Variants in EZR observed in about 807,000 individuals in gnomAD.
The protein encoded by EZR is cytovillin 2.
A neutral mutation model predicts 74.8 loss-of-function variants in EZR; 40 were observed. That is an observed-to-expected ratio of 0.53 (90% confidence interval 0.42 to 0.70). EZR has a LOEUF of 0.70. Among genes scored for constraint, EZR ranks in the 30% least tolerant of loss-of-function variants. The pLI, the probability that EZR is intolerant of heterozygous loss-of-function variation, is 0.00. For synonymous variants in EZR, 341 were observed against 283.3 expected (o/e 1.20, Z -2.05); for missense variants, 678 against 755.8 (o/e 0.90, Z 1.21).
intron 6 of EZR, among the ~76,000 whole-genome samples, chr6:158,784,381 G>A (rs1791510713): frequency 6.6e-6 from 1 of 152,194 alleles, no homozygotes; most frequent in Admixed American, 6.5e-5. Context: ...ATGAAGTTTA[G>A]ACACAACACT....
At chr6:158,817,676 G>C (rs1233354643) in intron 2 of EZR, among the ~76,000 whole-genome samples, 1 of 152,268 alleles carries the variant, frequency 6.6e-6, no homozygotes, top group Admixed American at 6.5e-5. Context: ...CTGTGGTTTC[G>C]GACCCTTAGG....
intron 9 of EZR, 115 bp from the exon 10 acceptor site, chr6:158,771,009 C>A: frequency 6.6e-7 from 1 of 1,507,440 alleles, no homozygotes. Flanking sequence ...CTGAGGGCCA[C>A]CCTAGCCTGC....
chr6:158,776,512 T>TA lies in EZR; in HGVS notation c.699-9dup. On this transcript the variant is annotated splice_polypyrimidine_tract_variant and intron_variant, in intron 7 of 13. Coordinates refer to ENST00000367075, the MANE Select transcript of EZR (RefSeq NM_001111077.2). ...CCAATCTTTGGGGTTAACCTGAGGTTAAAAAGAAGAAGTGGATGGTTAGAT... is the reference window on the plus strand; with the variant it reads ...CCAATCTTTGGGGTTAACCTGAGGTTAAAAAAGAAGAAGTGGATGGTTAGAT... The TA allele has an allele frequency of 1.9e-6, 3 of 1,601,902 alleles. No individual in the cohort carries two copies. Among genetic ancestry groups the TA allele is most frequent in the Non-Finnish European group, 2.6e-6 (3 of 1,172,680 alleles).
chr6:158,766,204 A>C lies in EZR; in HGVS notation c.*710T>G, dbSNP rs914189724. ...AACAAAACTTTCCCTTTTTAAAACT[A>C]ATGTTACAAATCTGTATTATCACTT... On this transcript the variant is annotated 3_prime_UTR_variant, in exon 14 of 14. Coordinates refer to ENST00000367075, the MANE Select transcript of EZR (RefSeq NM_001111077.2). The C allele has an allele frequency of 6.6e-6, 1 of 152,500 alleles. No individual in the cohort carries two copies. The highest frequency in any genetic ancestry group is 1.5e-5 in the Non-Finnish European group (1 of 68,018). The allele number at this position is 152,500 out of a possible 1,614,324, so 9.4% of individuals were successfully genotyped here. A position where few individuals can be genotyped will look rare whatever the true frequency, so the allele number is the denominator to read the frequency against.
chr6:158,789,183 CAAGT>C, intron 3 of EZR, 101 bp downstream of exon 3: 1 of 773,254 alleles, frequency 1.3e-6, no homozygotes. Context: ...TCTATTACCT[CAAGT>C]GAGTAAAACA....
At chr6:158,794,083 C>T (rs1278378259) in intron 2 of EZR, among the ~76,000 whole-genome samples, 2 of 152,180 alleles carry the variant, frequency 1.3e-5, no homozygotes, top group Non-Finnish European at 2.9e-5. Flanking sequence ...TCGAGACCGG[C>T]CTGGCCAACA....
At chr6:158,802,410 T>C (rs998683079) in intron 2 of EZR, among the ~76,000 whole-genome samples, 1 of 107,414 alleles carries the variant, frequency 9.3e-6, no homozygotes, top group African/African-American at 3.1e-5. Context: ...ATTTTTATGA[T>C]TTTTTGATGC....
intron 7 of EZR, among the ~76,000 whole-genome samples, chr6:158,782,207 G>A (rs1335801820): frequency 6.6e-6 from 1 of 152,182 alleles, no homozygotes; most frequent in Non-Finnish European, 1.5e-5. Context: ...GTGGGCCCCG[G>A]AGGTGAGAGG....
In EZR at chr6:158,767,442, G is replaced by A. The variant is rs759308651; in HGVS notation, c.1415C>T (p.Pro472Leu). ...ELHLVMTAPP[P>L]PPPPVYEPVS... ...CGGCTCGTACACGGGGGGTGGTGGGGGCGGGGGTGCTGTCATCACCAGGTG... is the reference window on the plus strand; with the variant it reads ...CGGCTCGTACACGGGGGGTGGTGGGAGCGGGGGTGCTGTCATCACCAGGTG... Residue 472 changes from proline (P) to leucine (L), a missense_variant, in exon 13 of 14, where the codon CCC (proline) becomes CTC (leucine). Physicochemically the swap from Pro to Leu is moderately conservative, Grantham distance 98. Coordinates refer to ENST00000367075, the MANE Select transcript of EZR (RefSeq NM_001111077.2). 1.5e-4 allele frequency: 239 copies of A among 1,613,156 alleles called. 1 individual carries two copies. The South Asian group carries it at 1.8e-3, about 12-fold the overall frequency.
intron 2 of EZR, among the ~76,000 whole-genome samples, chr6:158,816,007 G>A (rs776485469): frequency 3.9e-5 from 6 of 152,192 alleles, no homozygotes; most frequent in Non-Finnish European, 8.8e-5. Flanking sequence ...GAGAGAGAAG[G>A]GAGTTCTGAC....
At chr6:158,800,100 A>G (rs1209096992) in intron 2 of EZR, among the ~76,000 whole-genome samples, 2 of 152,232 alleles carry the variant, frequency 1.3e-5, no homozygotes, top group Non-Finnish European at 2.9e-5. Flanking sequence ...TATAAATAAC[A>G]TTCTTTCAAG....
chr6:158,785,298 C>T lies in EZR; in HGVS notation c.467+11G>A. 2.5e-6 allele frequency: 4 copies of T among 1,612,540 alleles called. No homozygotes were observed. The highest frequency in any genetic ancestry group is 1.1e-5 in the South Asian group (1 of 91,042). ...ACTGCTCCTGCCCAGGCCGGGTCAT[C>T]CTGTGCTCACCTTTGAGGGATCAGC... On this transcript the variant is annotated intron_variant, in intron 5 of 13. Transcript: ENST00000367075.
intron 2 of EZR, among the ~76,000 whole-genome samples, chr6:158,816,897 C>T (rs1237465841): frequency 6.6e-6 from 1 of 152,076 alleles, no homozygotes; most frequent in Non-Finnish European, 1.5e-5. Flanking sequence ...ACCAGCCTGG[C>T]CAACATGGTG....
chr6:158,802,840 T>C (rs1777217102), intron 2 of EZR, among the ~76,000 whole-genome samples: 2 of 152,172 alleles, frequency 1.3e-5, no homozygotes. Flanking sequence ...AGGTTTTTGC[T>C]TATTTAAGCA....
chr6:158,779,657 G>A (rs938790154), intron 7 of EZR, among the ~76,000 whole-genome samples: 12 of 152,046 alleles, frequency 7.9e-5, no homozygotes, highest in South Asian at 4.2e-4. Flanking sequence ...TCCGCCTCCC[G>A]GGCTCAAGTG....
chr6:158,776,247 C>A (rs528623903), intron 8 of EZR, among the ~76,000 whole-genome samples, 161 bp downstream of exon 8: 1 of 152,228 alleles, frequency 6.6e-6, no homozygotes, highest in Non-Finnish European at 1.5e-5. Flanking sequence ...GTGGTCTCCC[C>A]TGCAGCAATT....
chr6:158,777,213 G>A (rs1791303920), intron 7 of EZR, among the ~76,000 whole-genome samples: 1 of 152,222 alleles, frequency 6.6e-6, no homozygotes, highest in Non-Finnish European at 1.5e-5. Context: ...ACTCAACAGA[G>A]CTTGCCAAGA....
intron 7 of EZR, among the ~76,000 whole-genome samples, chr6:158,781,230 G>A (rs189314795): frequency 1.3e-5 from 2 of 152,238 alleles, no homozygotes; most frequent in African/African-American, 2.4e-5. Context: ...TGTTCAAAAG[G>A]GAAAGAATTT....
chr6:158,777,037 T>C (rs1791298785), intron 7 of EZR, among the ~76,000 whole-genome samples: 1 of 152,220 alleles, frequency 6.6e-6, no homozygotes, highest in African/African-American at 2.4e-5. Flanking sequence ...CAGACCCACC[T>C]TTCAACACAC....
Sources: allele counts gnomAD v4.1 joint callset (sites outside exome capture counted in the v4.1 genomes callset), GRCh38; gene constraint gnomAD v4.1.1; transcripts MANE v1.5; gene names NCBI Gene and HGNC (gene_info 2026-07-23, HGNC 2026-07-21).